HSPA4: variants seen among roughly 807,000 people sequenced by gnomAD.
The protein encoded by HSPA4 is heat shock 70 kDa protein 4.
A neutral mutation model predicts 106.2 loss-of-function variants in HSPA4; 25 were observed. The ratio of observed to expected loss-of-function variants is 0.24; its 90% CI spans 0.17 to 0.33. The LOEUF (loss-of-function observed/expected upper bound fraction) is 0.33. HSPA4 is among the 10% of genes least tolerant of loss of function. The probability of loss-of-function intolerance (pLI) is 1.00; values close to 1 mark genes in which losing one functional copy is unlikely to be tolerated. For synonymous variants in HSPA4, 332 were observed against 333.6 expected, an observed-to-expected ratio of 1.00 and a Z score of 0.05; for missense variants, 841 against 996.0, an observed-to-expected ratio of 0.84 and a Z score of 2.10.
At position 133,101,783 on chromosome 5, in the gene HSPA4, C is replaced by A; in HGVS notation, c.2062C>A (p.Arg688Ser). ...GAATCTAGGTCAACCTATTAAGATACGTTTCCAGGAATCTGAAGAACGACC... is the reference window on the plus strand; with the variant it reads ...GAATCTAGGTCAACCTATTAAGATAAGTTTCCAGGAATCTGAAGAACGACC... ...LKNLGQPIKIRFQESEERPKL... is the reference protein window; with the variant it reads ...LKNLGQPIKISFQESEERPKL... Residue 688 changes from arginine to serine, a missense_variant, in exon 17 of 19, where the codon CGT (arginine) becomes AGT (serine). Around this residue, in one of 5 missense-constraint regions of HSPA4, gnomAD observed 328 missense variants for 372.2 expected, o/e 0.88. Coordinates refer to ENST00000304858, the MANE Select transcript of HSPA4 (RefSeq NM_002154.4). 1.2e-6 allele frequency: 2 copies of A among 1,610,992 alleles called. No homozygotes were observed. The highest frequency in any genetic ancestry group is 1.7e-6 in the Non-Finnish European group (2 of 1,178,388).
Position 133,091,187 on chromosome 5 carries a change from C to T in HSPA4, c.1379-6C>T. 1 of 1,612,026 alleles carries T rather than the reference C, an allele frequency of 6.2e-7. No individual in the cohort carries two copies. The highest frequency in any genetic ancestry group is 8.5e-7 in the Non-Finnish European group (1 of 1,178,254). ...ATGTGTTCTTTTGTCTCTCGTATGTCCCTAGCTCAGTTTTCAGTTCAGAAA... is the reference window on the plus strand; with the variant it reads ...ATGTGTTCTTTTGTCTCTCGTATGTTCCTAGCTCAGTTTTCAGTTCAGAAA... On this transcript the variant is annotated splice_polypyrimidine_tract_variant and splice_region_variant and intron_variant, in intron 11 of 18. Coordinates refer to ENST00000304858, the MANE Select transcript of HSPA4 (RefSeq NM_002154.4).
In HSPA4 at chr5:133,088,520, G is replaced by C; in HGVS notation, c.1102G>C (p.Ala368Pro). The C allele has an allele frequency of 3.1e-6, 5 of 1,613,990 alleles. No homozygotes were observed. The highest frequency in any genetic ancestry group is 4.2e-6 in the Non-Finnish European group (5 of 1,179,868). Residue 368 changes from alanine (A) to proline (P), a missense_variant, in exon 9 of 19, where the codon GCT (alanine) becomes CCT (proline). Ala to Pro is a conservative substitution (Grantham distance 27). Transcript: ENST00000304858. ...FGKELSTTLNADEAVTRGCAL... is the reference protein window; with the variant it reads ...FGKELSTTLNPDEAVTRGCAL... ...TAAAGAACTTAGTACAACATTAAAT[G>C]CTGATGAAGCTGTCACTCGAGGCTG...
At chr5:133,069,897 G>A (rs1765359382) in intron 3 of HSPA4, among the ~76,000 whole-genome samples, 1 of 152,172 alleles carries the variant, frequency 6.6e-6, no homozygotes, top group African/African-American at 2.4e-5. Flanking sequence ...ATGCGTGGTG[G>A]CTCATGCCTG....
intron 6 of HSPA4, among the ~76,000 whole-genome samples, chr5:133,075,848 TAAAG>T (rs138045376): frequency 0.043 from 6,551 of 151,808 alleles, 464 homozygotes; most frequent in East Asian, 0.3. Context: ...GAAAAAAAAA[TAAAG>T]AAAAGTTACT....
chr5:133,096,677 ACT>A (rs1482514734), intron 14 of HSPA4, among the ~76,000 whole-genome samples: 3 of 151,978 alleles, frequency 2.0e-5, no homozygotes, highest in African/African-American at 7.3e-5. Context: ...AAATATAGTA[ACT>A]CTTACTGAGT....
At chr5:133,087,876 G>A (rs963671872) in intron 8 of HSPA4, among the ~76,000 whole-genome samples, 2 of 152,042 alleles carry the variant, frequency 1.3e-5, no homozygotes, top group African/African-American at 4.8e-5. Flanking sequence ...CGCCCACTTC[G>A]GCCTCCTAAA....
At chr5:133,096,852 G>T (rs756774886) in intron 14 of HSPA4, among the ~76,000 whole-genome samples, 6 of 152,172 alleles carry the variant, frequency 3.9e-5, no homozygotes, top group Non-Finnish European at 7.3e-5. Context: ...TATTAATACA[G>T]CAGAGGATAT....
intron 10 of HSPA4, 34 bp downstream of exon 10, chr5:133,089,195 GT>G (rs780859490): frequency 3.4e-6 from 4 of 1,179,672 alleles, no homozygotes; most frequent in Non-Finnish European, 4.9e-6. Context: ...CATATCTAAA[GT>G]TAATTGACTA....
chr5:133,079,685 AG>A (rs1335514203), intron 7 of HSPA4, among the ~76,000 whole-genome samples: 3 of 152,166 alleles, frequency 2.0e-5, no homozygotes, highest in African/African-American at 7.2e-5. Flanking sequence ...TAACTTTTTG[AG>A]GAATCTCCAA....
chr5:133,077,427 G>A (rs1765459340), intron 7 of HSPA4, among the ~76,000 whole-genome samples: 1 of 152,058 alleles, frequency 6.6e-6, no homozygotes, highest in Admixed American at 6.6e-5. Context: ...TAGTAGGGAC[G>A]GTGTTTCGCC....
At chr5:133,067,194 A>G (rs940824475) in intron 2 of HSPA4, among the ~76,000 whole-genome samples, 3 of 152,216 alleles carry the variant, frequency 2.0e-5, no homozygotes, top group African/African-American at 4.8e-5. Context: ...TAGGAAGAGC[A>G]GGGCTCTATT....
intron 7 of HSPA4, among the ~76,000 whole-genome samples, chr5:133,085,160 A>G (rs1765562411): frequency 6.6e-6 from 1 of 151,408 alleles, no homozygotes. Flanking sequence ...TTTTTTTAGT[A>G]TGTTCGTAGA....
At chr5:133,058,686 C>G (rs980242881) in intron 1 of HSPA4, among the ~76,000 whole-genome samples, 4 of 150,362 alleles carry the variant, frequency 2.7e-5, no homozygotes, top group Non-Finnish European at 5.9e-5. Flanking sequence ...CTCAAAACCC[C>G]AAAAACAAAA....
intron 15 of HSPA4, among the ~76,000 whole-genome samples, chr5:133,098,367 G>A (rs778098360): frequency 2.6e-5 from 4 of 151,614 alleles, no homozygotes; most frequent in Non-Finnish European, 4.4e-5. Flanking sequence ...GCTGGAGTGC[G>A]GTGACGCGAT....
At chr5:133,061,159 G>A (rs955040910) in intron 1 of HSPA4, among the ~76,000 whole-genome samples, 2 of 145,312 alleles carry the variant, frequency 1.4e-5, no homozygotes, top group African/African-American at 5.1e-5. Context: ...GTCTTGCCCT[G>A]TCACCCAGGC....
At position 133,090,793 on chromosome 5, in the gene HSPA4, G is replaced by A. The variant is rs913005727; in HGVS notation, c.1379-400G>A. On this transcript the variant is annotated intron_variant, in intron 11 of 18. Transcript: ENST00000304858. ...TAAATAAAAACCTTGTACAGTCACT[G>A]GACCTAGAAATGGCAATTTACTGAT... 5.3e-5 allele frequency among the ~76,000 whole-genome samples: 8 copies of A among 152,262 alleles called. No individual in the cohort carries two copies. In the East Asian group the frequency reaches 1.3e-3, roughly 26 times the overall value.
intron 12 of HSPA4, among the ~76,000 whole-genome samples, chr5:133,092,393 T>C (rs1418224360): frequency 6.6e-6 from 1 of 152,194 alleles, no homozygotes; most frequent in Non-Finnish European, 1.5e-5. Flanking sequence ...ATTTTGTAGA[T>C]TGTATTAAAT....
intron 4 of HSPA4, among the ~76,000 whole-genome samples, chr5:133,070,883 CAA>C (rs907050081): frequency 2.6e-5 from 4 of 151,582 alleles, no homozygotes; most frequent in South Asian, 4.2e-4. Flanking sequence ...GCCTGGGTGA[CAA>C]GAGCAAAACT....
At chr5:133,081,190 G>GGT (rs1027970469) in intron 7 of HSPA4, among the ~76,000 whole-genome samples, 1 of 152,162 alleles carries the variant, frequency 6.6e-6, no homozygotes, top group Non-Finnish European at 1.5e-5. Context: ...TGGAATTACA[G>GGT]GTGGGGGCCA....
Sources: allele counts gnomAD v4.1 joint callset (sites outside exome capture counted in the v4.1 genomes callset), GRCh38; gene constraint gnomAD v4.1.1; regional missense constraint gnomAD v4.1.1; transcripts MANE v1.5; gene names NCBI Gene and HGNC (gene_info 2026-07-23, HGNC 2026-07-21).